FAM20A: variants seen among roughly 807,000 people sequenced by gnomAD.
The protein encoded by FAM20A is pseudokinase FAM20A.
Under a neutral mutation model 52.0 loss-of-function variants are expected in FAM20A, and 42 were observed. The observed-to-expected ratio is 0.81, with a 90% confidence interval of 0.63 to 1.04. The LOEUF (loss-of-function observed/expected upper bound fraction) is 1.04, where lower values mean the gene tolerates loss of function less well. Among genes scored for constraint, FAM20A ranks in the 50% least tolerant of loss-of-function variants. FAM20A has a pLI of 0.00. For synonymous variants in FAM20A, 304 were observed against 298.9 expected (o/e 1.02, Z -0.18); for missense variants, 742 against 712.7 (o/e 1.04, Z -0.47).
intron 5 of FAM20A, 65 bp from the exon 6 acceptor site, chr17:68,542,874 C>T (rs2086371836): frequency 1.5e-6 from 2 of 1,298,650 alleles, no homozygotes; most frequent in Admixed American, 1.7e-5. Flanking sequence ...GGGGTTTTGT[C>T]CCCCGGCCAG....
intron 4 of FAM20A, chr17:68,551,107 A>G: frequency 8.1e-7 from 1 of 1,234,272 alleles, no homozygotes; most frequent in Non-Finnish European, 1.0e-6. Context: ...CTCAAGGAGG[A>G]GCATTCCCCT....
chr17:68,594,262 A>G lies in FAM20A; in HGVS notation c.404+6001T>C, dbSNP rs186401540. Among the ~76,000 whole-genome samples the G allele has an allele frequency of 6.0e-3, 911 of 151,750 alleles. 8 individuals carry two copies. Among genetic ancestry groups the G allele is most frequent in the African/African-American group, 0.021 (854 of 41,502 alleles). On this transcript the variant is annotated intron_variant, in intron 1 of 10. Coordinates refer to ENST00000592554, the MANE Select transcript of FAM20A (RefSeq NM_017565.4). ...AAAATACAAAAAGTTAGCTGGGCGTAGTGGCGGGCGCCTGTAGTCCCAGCT... is the reference window on the plus strand; with the variant it reads ...AAAATACAAAAAGTTAGCTGGGCGTGGTGGCGGGCGCCTGTAGTCCCAGCT...
rs149978140 is a variant in FAM20A at position 68,536,833 on chromosome 17, C to T, written c.*644G>A. On this transcript the variant is annotated 3_prime_UTR_variant, in exon 11 of 11. Coordinates refer to ENST00000592554, the MANE Select transcript of FAM20A (RefSeq NM_017565.4). ...TTGTAATACTCTTCAAATTGGAACACTCCTTTTCTGATATTCTTAGCAAAT... is the reference window on the plus strand; with the variant it reads ...TTGTAATACTCTTCAAATTGGAACATTCCTTTTCTGATATTCTTAGCAAAT... 1.5e-5 allele frequency: 7 copies of T among 454,096 alleles called. No individual in the cohort carries two copies. Among genetic ancestry groups the T allele is most frequent in the African/African-American group, 1.0e-4 (5 of 50,108 alleles). 28.1% of individuals were successfully genotyped at this position (454,096 alleles called of 1,614,324 possible).
In FAM20A at chr17:68,537,734, T is replaced by A; in HGVS notation, c.1369A>T (p.Lys457Ter). The change falls in exon 11 of 11, where the codon AAG becomes TAG. Residue 457 changes from lysine to a stop codon, truncating the protein, a stop_gained. Coordinates refer to ENST00000592554, the MANE Select transcript of FAM20A (RefSeq NM_017565.4). LOFTEE classifies it low-confidence loss of function (END_TRUNC). The surrounding 1 kb of genome is among the most constrained non-coding windows in gnomAD (Gnocchi z 4.2). ...SPLSQCCMIK[K>*]KTLLHLQLLA... Reference sequence around the variant, plus strand: ...AGCTGCAGGTGCAAAAGTGTTTTCTTTTTTATCCTGAAAAGACAAAGTTAC... The same window carrying A: ...AGCTGCAGGTGCAAAAGTGTTTTCTATTTTATCCTGAAAAGACAAAGTTAC... 6 of 1,611,064 alleles carry A rather than the reference T, an allele frequency of 3.7e-6. No homozygotes were observed. The highest frequency in any genetic ancestry group is 1.1e-5 in the South Asian group (1 of 90,404).
intron 1 of FAM20A, among the ~76,000 whole-genome samples, chr17:68,596,707 T>C (rs1467567569): frequency 6.6e-6 from 1 of 152,150 alleles, no homozygotes; most frequent in East Asian, 1.9e-4. Flanking sequence ...CCCTGTGCAC[T>C]TTCCTCGTCA....
At position 68,539,382 on chromosome 17, in the gene FAM20A, G is replaced by A; in HGVS notation, c.1316C>T (p.Ser439Phe). The change falls in exon 10 of 11, where the codon TCC (serine) becomes TTC (phenylalanine). Residue 439 changes from serine to phenylalanine, a missense_variant. Physicochemically the swap from Ser to Phe is radical, Grantham distance 155. Transcript: ENST00000592554. ...LDNARGFGRH[S>F]HDEISILSPL... ...CGAGAGGATGGAGATTTCATCATGG[G>A]AGTGTCGTCCGAACCTAGGAGGAGA... 6.2e-7 allele frequency: 1 copy of A among 1,614,204 alleles called. No homozygotes were observed. Among genetic ancestry groups the A allele is most frequent in the South Asian group, 1.1e-5 (1 of 91,078 alleles).
At position 68,600,322 on chromosome 17, in the gene FAM20A, C is replaced by A. The variant is rs986099; in HGVS notation, c.345G>T (p.Ser115=). 9 of 1,590,164 alleles carry A rather than the reference C, an allele frequency of 5.7e-6. No homozygotes were observed. The highest frequency in any genetic ancestry group is 1.3e-5 in the African/African-American group (1 of 74,410). Reference sequence around the variant, plus strand: ...GCAGCGCCTCCTGGCTGGCCAGGAGCGAGTCCTCGGCTCCCAGGAGAGGCG... The same window carrying A: ...GCAGCGCCTCCTGGCTGGCCAGGAGAGAGTCCTCGGCTCCCAGGAGAGGCG... The part of the protein sequence containing the change: ...EEPPLLGAED[S]LLASQEALRY... Residue 115 remains serine, a synonymous_variant, in exon 1 of 11, where the codon TCG becomes TCT. Transcript: ENST00000592554. The surrounding 1 kb of genome is among the most constrained non-coding windows in gnomAD (Gnocchi z 6.2).
chr17:68,581,404 T>TTC (rs1208720871), intron 1 of FAM20A, among the ~76,000 whole-genome samples: 1 of 147,730 alleles, frequency 6.8e-6, no homozygotes, highest in African/African-American at 2.5e-5. Context: ...CTTTCTTTCT[T>TTC]TCTTTCTTTC....
chr17:68,554,048 A>ATATATACC, intron 3 of FAM20A, among the ~76,000 whole-genome samples: 1 of 133,236 alleles, frequency 7.5e-6, no homozygotes, highest in Non-Finnish European at 1.5e-5. Context: ...GCATATATAC[A>ATATATACC]CATATACACA....
chr17:68,581,954 A>G (rs2088017296), intron 1 of FAM20A, among the ~76,000 whole-genome samples: 1 of 152,104 alleles, frequency 6.6e-6, no homozygotes. Context: ...GTACCTGCTT[A>G]TGGGGTTGTT....
intron 4 of FAM20A, among the ~76,000 whole-genome samples, chr17:68,545,556 T>G (rs542888997): frequency 1.3e-5 from 2 of 152,348 alleles, no homozygotes; most frequent in South Asian, 4.1e-4. Context: ...GTCATAATCT[T>G]TTTGCTGACT....
At chr17:68,548,013 C>T (rs2086647767) in intron 4 of FAM20A, among the ~76,000 whole-genome samples, 1 of 117,308 alleles carries the variant, frequency 8.5e-6, no homozygotes, top group African/African-American at 3.1e-5. Context: ...ACTAACTGGC[C>T]TCATTTCAAT....
At chr17:68,546,829 C>CAAA (rs35112614) in intron 4 of FAM20A, among the ~76,000 whole-genome samples, 1 of 84,000 alleles carries the variant, frequency 1.2e-5, no homozygotes. Context: ...GACTACGGCT[C>CAAA]AAAAAAAAAA....
At position 68,541,273 on chromosome 17, in the gene FAM20A, C is replaced by T. The variant is rs559888071; in HGVS notation, c.1110-315G>A. The stretch of plus-strand genomic sequence containing the variant: ...CCTCACCTGCTTCCTCGTCCCTCCA[C>T]AGTCCCTCTCACCAAGCCTCTTGGA... On this transcript the variant is annotated intron_variant, in intron 7 of 10. Transcript: ENST00000592554. 8.2e-4 allele frequency: 317 copies of T among 386,910 alleles called. 2 individuals carry two copies. Among genetic ancestry groups the T allele is most frequent in the African/African-American group, 6.1e-3 (294 of 48,296 alleles). 24.0% of individuals were successfully genotyped at this position (386,910 alleles called of 1,614,324 possible).
At chr17:68,588,879 T>C (rs754506622) in intron 1 of FAM20A, among the ~76,000 whole-genome samples, 23 of 152,248 alleles carry the variant, frequency 1.5e-4, no homozygotes, top group Non-Finnish European at 2.1e-4. Flanking sequence ...TCTTTCACTT[T>C]AACATATGGC....
intron 1 of FAM20A, among the ~76,000 whole-genome samples, chr17:68,557,950 T>C (rs2087100923): frequency 6.6e-6 from 1 of 152,212 alleles, no homozygotes; most frequent in Admixed American, 6.5e-5. Context: ...ACTCCATGAT[T>C]ATGCTGCGTT....
Position 68,542,719 on chromosome 17 carries a change from C to T in FAM20A, c.903G>A (p.Leu301=). The T allele has an allele frequency of 6.2e-7, 1 of 1,613,986 alleles. No homozygotes were observed. The highest frequency in any genetic ancestry group is 1.1e-5 in the South Asian group (1 of 91,078). The change falls in exon 6 of 11, where the codon CTG becomes CTA. Residue 301 remains leucine, a synonymous_variant. Coordinates refer to ENST00000592554, the MANE Select transcript of FAM20A (RefSeq NM_017565.4). ...CTGGAGAGACAAAGAAAACACTCTG[C>T]AGGATTTCATTCTTGGTGACCTCTA... is the stretch of plus-strand genomic sequence containing the variant. The part of the protein sequence containing the change: ...EILEVTKNEI[L]QSVFFVSPAS...
Position 68,600,142 on chromosome 17 carries a change from C to A in FAM20A, c.404+121G>T, listed in dbSNP as rs369421603. 1 of 1,208,516 alleles carries A rather than the reference C, an allele frequency of 8.3e-7. No individual in the cohort carries two copies. Among genetic ancestry groups the A allele is most frequent in the Non-Finnish European group, 1.1e-6 (1 of 882,276 alleles). The allele number at this position is 1,208,516 out of a possible 1,614,324, so 74.9% of individuals were successfully genotyped here. ...ACACACTCTAAGCCCAGCGCCAGGGCTGGAGCCGTGGGTGGAGCCGCTGCA... is the reference window on the plus strand; with the variant it reads ...ACACACTCTAAGCCCAGCGCCAGGGATGGAGCCGTGGGTGGAGCCGCTGCA... On this transcript the variant is annotated intron_variant, in intron 1 of 10. Coordinates refer to ENST00000592554, the MANE Select transcript of FAM20A (RefSeq NM_017565.4). This position sits in a 1 kb window ranked among gnomAD's most constrained non-coding sequence, Gnocchi z 6.2.
chr17:68,556,809 G>C (rs1019987329), intron 1 of FAM20A, among the ~76,000 whole-genome samples: 1 of 152,138 alleles, frequency 6.6e-6, no homozygotes, highest in South Asian at 2.1e-4. Context: ...TGGGATTATA[G>C]GGGCAGGGTT....
Sources: allele counts gnomAD v4.1 joint callset (sites outside exome capture counted in the v4.1 genomes callset), GRCh38; gene constraint gnomAD v4.1.1; non-coding constraint Gnocchi (gnomAD v3.1); transcripts MANE v1.5; gene names NCBI Gene and HGNC (gene_info 2026-07-23, HGNC 2026-07-21).